OSMR: variants seen among roughly 807,000 people sequenced by gnomAD.
The protein encoded by OSMR is oncostatin-M-specific receptor subunit beta.
Under a neutral mutation model 99.9 loss-of-function variants are expected in OSMR, and 81 were observed. That is an observed-to-expected ratio of 0.81 (90% CI 0.68 to 0.97). OSMR has a LOEUF of 0.97. OSMR is among the 50% of genes least tolerant of loss of function. The pLI, the probability that OSMR is intolerant of heterozygous loss-of-function variation, is 0.00. For synonymous variants in OSMR, 406 were observed against 410.4 expected (o/e 0.99, Z 0.13); for missense variants, 1,099 against 1,153.4 (o/e 0.95, Z 0.68).
intron 7 of OSMR, among the ~76,000 whole-genome samples, chr5:38,899,161 T>C (rs557844226): frequency 2.6e-5 from 4 of 152,102 alleles, no homozygotes; most frequent in South Asian, 2.1e-4. Context: ...GGTTTCACCA[T>C]GTTGGCCAGG....
intron 4 of OSMR, among the ~76,000 whole-genome samples, chr5:38,883,149 A>G (rs1743427747): frequency 6.6e-6 from 1 of 152,206 alleles, no homozygotes; most frequent in African/African-American, 2.4e-5. Context: ...CCCCAGCTCT[A>G]CTAAAAATAC....
At chr5:38,903,776 C>A in intron 7 of OSMR, 106 bp from the exon 8 acceptor site, 1 of 1,520,812 alleles carries the variant, frequency 6.6e-7, no homozygotes, top group Non-Finnish European at 8.8e-7. Context: ...CAAAAGTGAA[C>A]AAAAATACTT....
chr5:38,878,157 G>A (rs914917004), intron 3 of OSMR, among the ~76,000 whole-genome samples: 4 of 152,144 alleles, frequency 2.6e-5, no homozygotes, highest in African/African-American at 7.2e-5. Context: ...CCAGGCCATC[G>A]GTGGACACAT....
intron 1 of OSMR, among the ~76,000 whole-genome samples, chr5:38,851,114 TA>T (rs1391395845): frequency 6.6e-6 from 1 of 152,220 alleles, no homozygotes; most frequent in Non-Finnish European, 1.5e-5. Flanking sequence ...TCAACTAGTT[TA>T]ATCATGTTGG....
intron 7 of OSMR, among the ~76,000 whole-genome samples, chr5:38,898,963 T>C (rs1744709087): frequency 7.3e-6 from 1 of 137,118 alleles, no homozygotes; most frequent in Non-Finnish European, 1.6e-5. Context: ...TTTTTTTTTT[T>C]TTTTTTTTTT....
chr5:38,885,533 T>C, intron 6 of OSMR, 49 bp downstream of exon 6: 1 of 1,610,402 alleles, frequency 6.2e-7, no homozygotes, highest in Non-Finnish European at 8.5e-7. Context: ...TTGCTTGAGG[T>C]GCTTGTGACA....
chr5:38,859,161 GA>G (rs2112111371), intron 1 of OSMR, among the ~76,000 whole-genome samples: 1 of 152,206 alleles, frequency 6.6e-6, no homozygotes, highest in Admixed American at 6.5e-5. Context: ...AAGTCTTAGT[GA>G]TAAAATTGTT....
chr5:38,852,524 C>T (rs1208986594), intron 1 of OSMR, among the ~76,000 whole-genome samples: 1 of 152,058 alleles, frequency 6.6e-6, no homozygotes, highest in African/African-American at 2.4e-5. Flanking sequence ...CATACACACA[C>T]ACACAATTGT....
chr5:38,931,787 A>G, intron 15 of OSMR, 96 bp from the exon 16 acceptor site: 1 of 1,561,336 alleles, frequency 6.4e-7, no homozygotes, highest in Non-Finnish European at 8.7e-7. Flanking sequence ...GAAATAATAA[A>G]CATGTAAAAT....
Position 38,921,776 on chromosome 5 carries a change from A to T in OSMR, c.1747A>T (p.Ser583Cys), listed in dbSNP as rs529075961. 6.2e-7 allele frequency: 1 copy of T among 1,614,020 alleles called. No individual in the cohort carries two copies. Among genetic ancestry groups the T allele is most frequent in the Non-Finnish European group, 8.5e-7 (1 of 1,179,860 alleles). The change falls in exon 12 of 18, where the codon AGC becomes TGC. Residue 583 changes from serine (S) to cysteine (C), a missense_variant. Ser to Cys is a moderately radical substitution (Grantham distance 112). Coordinates refer to ENST00000274276, the MANE Select transcript of OSMR (RefSeq NM_003999.3). ...GAAGAATGTAGGTCCCAATACCACA[A>T]GCACAGTCATTAGCACAGGTAAGAA... Reference protein sequence around the residue: ...QWKNVGPNTTSTVISTDAFRP... With the variant: ...QWKNVGPNTTCTVISTDAFRP...
At chr5:38,900,152 A>G (rs986373252) in intron 7 of OSMR, among the ~76,000 whole-genome samples, 2 of 152,046 alleles carry the variant, frequency 1.3e-5, no homozygotes, top group African/African-American at 4.8e-5. Flanking sequence ...CTGTAGGCGG[A>G]TATCAGCTGA....
At chr5:38,920,533 C>T (rs1313598243) in intron 11 of OSMR, among the ~76,000 whole-genome samples, 2 of 152,138 alleles carry the variant, frequency 1.3e-5, no homozygotes, top group African/African-American at 2.4e-5. Context: ...GCAGGGAAGC[C>T]ATGTGGATGG....
rs1383017918 is a variant in OSMR, at chr5:38,917,585, T to C, written c.1325T>C (p.Leu442Ser). ...CCTGATGTCTGGAGAATTGTGAGCT[T>C]GGAGCCAGGAAATCATACTGTGACC... ...EAPDVWRIVS[L>S]EPGNHTVTLF... The change falls in exon 10 of 18, where the codon TTG becomes TCG. Residue 442 changes from leucine (L) to serine (S), a missense_variant. Coordinates refer to ENST00000274276, the MANE Select transcript of OSMR (RefSeq NM_003999.3). The C allele has an allele frequency of 1.9e-6, 3 of 1,613,744 alleles. No homozygotes were observed. The Admixed American group carries it at 5.0e-5, about 27-fold the overall frequency.
chr5:38,890,911 G>A (rs1744114157), intron 7 of OSMR, among the ~76,000 whole-genome samples: 1 of 151,996 alleles, frequency 6.6e-6, no homozygotes, highest in East Asian at 1.9e-4. Context: ...ATGTAGCCAG[G>A]CAGAATACTT....
At chr5:38,921,087 T>A (rs1463517103) in intron 11 of OSMR, among the ~76,000 whole-genome samples, 1 of 152,172 alleles carries the variant, frequency 6.6e-6, no homozygotes, top group African/African-American at 2.4e-5. Context: ...AGTTATTCAT[T>A]CAACAGGTAT....
intron 11 of OSMR, chr5:38,919,352 A>C: frequency 7.3e-7 from 1 of 1,373,848 alleles, no homozygotes; most frequent in South Asian, 1.2e-5. Flanking sequence ...CAACCCTAAC[A>C]AACAGTCACC....
At chr5:38,857,037 T>C (rs1057058169) in intron 1 of OSMR, among the ~76,000 whole-genome samples, 1 of 152,210 alleles carries the variant, frequency 6.6e-6, no homozygotes, top group Admixed American at 6.5e-5. Context: ...TTCCATTGTG[T>C]TGCTTGACAG....
rs1180419990 is a variant in OSMR at position 38,933,252 on chromosome 5, TTA to T, written c.2750_2751del (p.Tyr917CysfsTer29). ...TCCCAGCTGGAGAAACAAGTTTGAA[TTA>T]TGTGTCCCAGTTGGCTTCACCCATG... ...EIPAGETSLN[Y>X]VSQLASPMFG... On this transcript the variant is annotated frameshift_variant, in exon 18 of 18. Coordinates refer to ENST00000274276, the MANE Select transcript of OSMR (RefSeq NM_003999.3). LOFTEE classifies it low-confidence loss of function (END_TRUNC). The T allele has an allele frequency of 6.2e-7, 1 of 1,614,052 alleles. No homozygotes were observed. Among genetic ancestry groups the T allele is most frequent in the East Asian group, 2.2e-5 (1 of 44,892 alleles).
At chr5:38,886,967 T>G (rs1473634745) in intron 7 of OSMR, among the ~76,000 whole-genome samples, 1 of 152,214 alleles carries the variant, frequency 6.6e-6, no homozygotes, top group East Asian at 1.9e-4. Context: ...CATATATTCT[T>G]ACCAAGTTGG....
Sources: gnomAD v4.1 joint callset for allele counts (sites outside exome capture counted in the v4.1 genomes callset) on GRCh38, gnomAD v4.1.1 for gene constraint, MANE v1.5 for transcripts, NCBI Gene and HGNC (gene_info 2026-07-23, HGNC 2026-07-21) for gene names.